Variants in PCDHGA3 observed in about 807,000 individuals in gnomAD.
The protein encoded by PCDHGA3 is protocadherin gamma-A3.
In PCDHGA3, 40 loss-of-function variants were observed where a neutral mutation model predicts 58.5. The ratio of observed to expected loss-of-function variants is 0.68; its 90% CI spans 0.53 to 0.89. The LOEUF (loss-of-function observed/expected upper bound fraction) is 0.89, where lower values mean the gene tolerates loss of function less well. PCDHGA3 is among the 40% of genes least tolerant of loss of function. The pLI is 0.00. For missense variants in PCDHGA3, 1,223 were observed against 1,195.9 expected (o/e 1.02, Z -0.33); for synonymous variants, 530 against 525.7 (o/e 1.01, Z -0.11).
chr5:141,388,849 G>A, intron 1 of PCDHGA3: 1 of 1,614,026 alleles, frequency 6.2e-7, no homozygotes, highest in Non-Finnish European at 8.5e-7. Flanking sequence ...GCAAGGGACG[G>A]TGGAGGAATG....
chr5:141,431,904 T>A lies in PCDHGA3; in HGVS notation c.2425-62903T>A. On this transcript the variant is annotated intron_variant, in intron 1 of 3. Transcript: ENST00000253812. The surrounding 1 kb of genome is among the most constrained non-coding windows in gnomAD (Gnocchi z 4.8). ...CAAGATTCTGAGGAAAACGGACAGG[T>A]GATCTGTTTCATCCAAGGAAATCTG... is the stretch of plus-strand genomic sequence containing the variant. 1 of 1,613,846 alleles carries A rather than the reference T, an allele frequency of 6.2e-7. No individual in the cohort carries two copies. Among genetic ancestry groups the A allele is most frequent in the Non-Finnish European group, 8.5e-7 (1 of 1,179,708 alleles).
chr5:141,401,537 A>G (rs188857820), intron 1 of PCDHGA3, among the ~76,000 whole-genome samples: 56 of 152,362 alleles, frequency 3.7e-4, no homozygotes, highest in Non-Finnish European at 7.5e-4. Context: ...AACTTACAAA[A>G]AAAAGGAAAT....
At chr5:141,364,236 A>G (rs1179027324) in intron 1 of PCDHGA3, 1 of 1,433,738 alleles carries the variant, frequency 7.0e-7, no homozygotes, top group Non-Finnish European at 9.3e-7. Flanking sequence ...CTCCACGCCC[A>G]TTTTCGTCAG....
chr5:141,456,773 G>A (rs1178932462), intron 1 of PCDHGA3, among the ~76,000 whole-genome samples: 6 of 151,980 alleles, frequency 3.9e-5, no homozygotes, highest in African/African-American at 1.2e-4. Context: ...GACCAGCCTG[G>A]CCTACATGGC....
At chr5:141,446,055 G>A (rs1431833512) in intron 1 of PCDHGA3, among the ~76,000 whole-genome samples, 1 of 152,190 alleles carries the variant, frequency 6.6e-6, no homozygotes, top group Non-Finnish European at 1.5e-5. Flanking sequence ...AGCTGGCTTG[G>A]ATTAAAGGGG....
intron 1 of PCDHGA3, chr5:141,365,549 A>G (rs1763986564): frequency 2.5e-6 from 4 of 1,613,678 alleles, no homozygotes; most frequent in Non-Finnish European, 3.4e-6. Flanking sequence ...CCTATTAACA[A>G]CTAGGGACCT....
intron 1 of PCDHGA3, among the ~76,000 whole-genome samples, chr5:141,354,461 AT>A (rs1759548811): frequency 6.6e-6 from 1 of 152,206 alleles, no homozygotes; most frequent in Admixed American, 6.5e-5. Flanking sequence ...TGTCAATCTC[AT>A]TTGTACAGGG....
chr5:141,381,910 A>G (rs1007248325), intron 1 of PCDHGA3, among the ~76,000 whole-genome samples: 10 of 130,320 alleles, frequency 7.7e-5, no homozygotes, highest in Admixed American at 5.1e-4. Context: ...GCTCACCACA[A>G]CCTCCACCTC....
At chr5:141,347,137 C>CTCTTTCTTTCTTTCTTTCTTTCCT (rs1757893465) in intron 1 of PCDHGA3, among the ~76,000 whole-genome samples, 1 of 113,744 alleles carries the variant, frequency 8.8e-6, no homozygotes, top group African/African-American at 3.8e-5. Context: ...CTCTGTTTCT[C>CTCTTTCTTTCTTTCTTTCTTTCCT]TCTTTCTTTC....
Position 141,432,972 on chromosome 5 carries a change from C to T in PCDHGA3, c.2425-61835C>T. 1 of 1,614,218 alleles carries T rather than the reference C, an allele frequency of 6.2e-7. No homozygotes were observed. Among genetic ancestry groups the T allele is most frequent in the African/African-American group, 1.3e-5 (1 of 75,058 alleles). ...GGCGGCTTGACAGGAGCGCCGGCGT[C>T]GCACTTTGTGGGCGTGGACGGGGTG... On this transcript the variant is annotated intron_variant, in intron 1 of 3. Coordinates refer to ENST00000253812, the MANE Select transcript of PCDHGA3 (RefSeq NM_018916.4). This position sits in a 1 kb window ranked among gnomAD's most constrained non-coding sequence, Gnocchi z 6.0.
intron 1 of PCDHGA3, among the ~76,000 whole-genome samples, chr5:141,449,616 G>A (rs1279953840): frequency 1.6e-4 from 24 of 146,738 alleles, no homozygotes; most frequent in Non-Finnish European, 2.3e-4. Flanking sequence ...AAGTAAAAAA[G>A]TTTTTTAAAA....
At chr5:141,374,162 G>A in intron 1 of PCDHGA3, 3 of 1,612,514 alleles carry the variant, frequency 1.9e-6, no homozygotes, top group Admixed American at 1.7e-5. Context: ...GTGGGGGGCC[G>A]CGGCAGCGCA....
chr5:141,374,657 CCGGAGCTGGTGCTGG>C (rs780169875), intron 1 of PCDHGA3: 1 of 1,612,018 alleles, frequency 6.2e-7, no homozygotes, highest in Admixed American at 1.7e-5. Context: ...GCCCAAGTAC[CCGGAGCTGGTGCTGG>C]AGGGCACACT....
rs935078369 is a variant in PCDHGA3 at position 141,351,524 on chromosome 5, G to A, written c.2424+5067G>A. 9.9e-6 allele frequency: 16 copies of A among 1,613,998 alleles called. No homozygotes were observed. The South Asian group carries it at 1.2e-4, about 12-fold the overall frequency. Reference sequence around the variant, plus strand: ...CTACAACGTCACAATCATAGCCACCGACAAGGGCAAACCAGCCCTTTCCTC... The same window carrying A: ...CTACAACGTCACAATCATAGCCACCAACAAGGGCAAACCAGCCCTTTCCTC... On this transcript the variant is annotated intron_variant, in intron 1 of 3. Coordinates refer to ENST00000253812, the MANE Select transcript of PCDHGA3 (RefSeq NM_018916.4).
At position 141,355,250 on chromosome 5, in the gene PCDHGA3, G is replaced by A; in HGVS notation, c.2424+8793G>A. The A allele has an allele frequency of 6.2e-7, 1 of 1,613,314 alleles. No individual in the cohort carries two copies. Among genetic ancestry groups the A allele is most frequent in the East Asian group, 2.2e-5 (1 of 44,882 alleles). On this transcript the variant is annotated intron_variant, in intron 1 of 3. Coordinates refer to ENST00000253812, the MANE Select transcript of PCDHGA3 (RefSeq NM_018916.4). Reference sequence around the variant, plus strand: ...GACCACACCCGGCTGCTCCAGATCTGCCTTCTCCTGGGGGTTCTGGTGGAA... The same window carrying A: ...GACCACACCCGGCTGCTCCAGATCTACCTTCTCCTGGGGGTTCTGGTGGAA...
chr5:141,506,228 A>T (rs538354130), intron 3 of PCDHGA3, among the ~76,000 whole-genome samples: 1 of 152,266 alleles, frequency 6.6e-6, no homozygotes, highest in East Asian at 1.9e-4. Context: ...AGGCAGGAGG[A>T]TCATGAGGTC....
chr5:141,418,151 G>T, intron 1 of PCDHGA3: 1 of 1,614,108 alleles, frequency 6.2e-7, no homozygotes, highest in Non-Finnish European at 8.5e-7. Flanking sequence ...AATATGCAAA[G>T]AGAGAAGAAG....
At chr5:141,371,227 T>C (rs1767587873) in intron 1 of PCDHGA3, 1 of 1,613,932 alleles carries the variant, frequency 6.2e-7, no homozygotes, top group African/African-American at 1.3e-5. Context: ...GCCGAAATCA[T>C]CTATGCCTTC....
Position 141,462,070 on chromosome 5 carries a change from G to A in PCDHGA3, c.2425-32737G>A, listed in dbSNP as rs572217894. Among the ~76,000 whole-genome samples the A allele has an allele frequency of 2.6e-5, 4 of 152,196 alleles. No homozygotes were observed. In the East Asian group the frequency reaches 7.7e-4, roughly 29 times the overall value. Reference sequence around the variant, plus strand: ...ACTCCCGACCTCAGGTGATCTGCCCGCCTTGGCCTCCCAAAATGCTGGGAT... The same window carrying A: ...ACTCCCGACCTCAGGTGATCTGCCCACCTTGGCCTCCCAAAATGCTGGGAT... On this transcript the variant is annotated intron_variant, in intron 1 of 3. Transcript: ENST00000253812.
Sources: allele counts gnomAD v4.1 joint callset (sites outside exome capture counted in the v4.1 genomes callset), GRCh38; gene constraint gnomAD v4.1.1; non-coding constraint Gnocchi (gnomAD v3.1); transcripts MANE v1.5; gene names NCBI Gene and HGNC (gene_info 2026-07-23, HGNC 2026-07-21).